The following ELAPOR2 variants were observed in gnomAD, a reference collection of about 807,000 sequenced individuals.
ELAPOR2 encodes endosome-lysosome associated apoptosis and autophagy regulator family member 2.
ELAPOR2 carries 89 observed loss-of-function variants against 120.7 expected under a neutral mutation model. The ratio of observed to expected loss-of-function variants is 0.74; its 90% confidence interval spans 0.62 to 0.88. The LOEUF (loss-of-function observed/expected upper bound fraction) is 0.88, where lower values mean the gene tolerates loss of function less well. Among genes scored for constraint, ELAPOR2 ranks in the 40% least tolerant of loss-of-function variants. ELAPOR2 has a pLI of 0.00. For missense variants in ELAPOR2, 1,134 were observed against 1,251.6 expected, an observed-to-expected ratio of 0.91 and a Z score of 1.42; for synonymous variants, 444 against 444.9, an observed-to-expected ratio of 1.00 and a Z score of 0.03.
intron 18 of ELAPOR2, among the ~76,000 whole-genome samples, chr7:86,899,066 G>A (rs28664155): frequency 6.6e-5 from 10 of 152,102 alleles, no homozygotes; most frequent in African/African-American, 2.4e-4. Context: ...GAAGATGATG[G>A]ATGTGGATGG....
At chr7:87,008,954 T>C (rs191668301) in intron 1 of ELAPOR2, among the ~76,000 whole-genome samples, 31 of 152,236 alleles carry the variant, frequency 2.0e-4, no homozygotes, top group African/African-American at 7.5e-4. Flanking sequence ...AAAAAAGCTA[T>C]TTCATAAGTG....
At position 86,909,815 on chromosome 7, in the gene ELAPOR2, T is replaced by G; in HGVS notation, c.2356A>C (p.Ile786Leu). ...ATATGAACCAAAGGAAGCTTACCTA[T>G]GAATGTATCTGCCAGAATGATGGAT... ...SQSIILADTF[I>L]GVTVETTLKN... is the part of the protein sequence containing the mutation. The change falls in exon 16 of 22, where the codon ATA becomes CTA. Residue 786 changes from isoleucine (I) to leucine (L), a missense_variant. Coordinates refer to ENST00000450689, the MANE Select transcript of ELAPOR2 (RefSeq NM_001142749.3). The G allele has an allele frequency of 6.2e-7, 1 of 1,606,834 alleles. No homozygotes were observed. The highest frequency in any genetic ancestry group is 8.5e-7 in the Non-Finnish European group (1 of 1,176,660).
At chr7:86,881,848 T>A (rs1316496085) in intron 21 of ELAPOR2, among the ~76,000 whole-genome samples, 2 of 152,168 alleles carry the variant, frequency 1.3e-5, no homozygotes, top group East Asian at 3.8e-4. Flanking sequence ...GGCCAATCAG[T>A]CTCACATGCA....
chr7:86,971,990 G>A (rs946418211), intron 1 of ELAPOR2, among the ~76,000 whole-genome samples: 1 of 152,108 alleles, frequency 6.6e-6, no homozygotes, highest in Non-Finnish European at 1.5e-5. Context: ...AAAAGAACCA[G>A]GCAACCATGG....
At chr7:86,996,806 C>T (rs926840466) in intron 1 of ELAPOR2, among the ~76,000 whole-genome samples, 3 of 152,110 alleles carry the variant, frequency 2.0e-5, no homozygotes, top group Non-Finnish European at 4.4e-5. Context: ...GGCTATCACT[C>T]CTCATCTCTC....
intron 1 of ELAPOR2, 87 bp from the exon 2 acceptor site, chr7:86,965,111 C>G (rs1317316756): frequency 2.2e-6 from 3 of 1,336,046 alleles, no homozygotes; most frequent in Non-Finnish European, 3.1e-6. Flanking sequence ...GCCCCTGTTT[C>G]CAAGCTGTAC....
At chr7:86,902,385 A>T (rs540565943) in intron 18 of ELAPOR2, among the ~76,000 whole-genome samples, 1 of 152,286 alleles carries the variant, frequency 6.6e-6, no homozygotes, top group African/African-American at 2.4e-5. Flanking sequence ...CATGTTGGTC[A>T]GGCTGGTCTC....
Position 86,912,994 on chromosome 7 carries a change from C to A in ELAPOR2, c.1942G>T (p.Val648Phe). ...PPDTYLSIHQ[V>F]YGKEACIPCG... ...GGAATACAAGCCTCTTTGCCATAGA[C>A]CTGATGTATGGACAGGTAGGTGTCA... Residue 648 changes from valine to phenylalanine, a missense_variant, in exon 14 of 22, where the codon GTC (valine) becomes TTC (phenylalanine). Val to Phe is a conservative substitution (Grantham distance 50). Coordinates refer to ENST00000450689, the MANE Select transcript of ELAPOR2 (RefSeq NM_001142749.3). The A allele has an allele frequency of 2.5e-6, 4 of 1,614,018 alleles. No homozygotes were observed. The highest frequency in any genetic ancestry group is 3.4e-6 in the Non-Finnish European group (4 of 1,179,986).
At chr7:87,013,316 T>C (rs1793757444) in intron 1 of ELAPOR2, among the ~76,000 whole-genome samples, 1 of 152,066 alleles carries the variant, frequency 6.6e-6, no homozygotes, top group African/African-American at 2.4e-5. Flanking sequence ...TGTTAACAAA[T>C]ACCCTAAAAT....
At chr7:86,907,556 A>T in intron 18 of ELAPOR2, 114 bp downstream of exon 18, 4 of 671,272 alleles carry the variant, frequency 6.0e-6, no homozygotes, top group Non-Finnish European at 7.3e-6. Flanking sequence ...AACCCTACAG[A>T]TTGTTCTGTT....
chr7:87,025,605 C>T (rs968860752), intron 1 of ELAPOR2, among the ~76,000 whole-genome samples: 7 of 152,028 alleles, frequency 4.6e-5, no homozygotes, highest in African/African-American at 1.7e-4. Context: ...TGAGCATTAC[C>T]TGCCAATCAA....
intron 8 of ELAPOR2, among the ~76,000 whole-genome samples, chr7:86,932,204 C>T (rs893164503): frequency 6.6e-6 from 1 of 151,852 alleles, no homozygotes; most frequent in Admixed American, 6.6e-5. Flanking sequence ...CTTGCAACAC[C>T]GGAAAGGGCT....
intron 1 of ELAPOR2, among the ~76,000 whole-genome samples, chr7:87,010,270 T>C (rs1793612962): frequency 6.6e-6 from 1 of 152,196 alleles, no homozygotes; most frequent in Non-Finnish European, 1.5e-5. Flanking sequence ...TCTTTGAAAC[T>C]GGGATTCAAG....
At chr7:87,028,400 C>G (rs539195515) in intron 1 of ELAPOR2, among the ~76,000 whole-genome samples, 72 of 152,190 alleles carry the variant, frequency 4.7e-4, no homozygotes, top group African/African-American at 1.7e-3. Context: ...CTCTGGGACA[C>G]CATCGTCCAT....
At chr7:86,911,822 C>A in intron 15 of ELAPOR2, 1 of 575,644 alleles carries the variant, frequency 1.7e-6, no homozygotes. Flanking sequence ...AGCACTTACA[C>A]CATAGCTCCA....
chr7:87,043,227 T>C (rs1006944646), intron 1 of ELAPOR2, among the ~76,000 whole-genome samples: 24 of 151,330 alleles, frequency 1.6e-4, no homozygotes, highest in African/African-American at 3.9e-4. Context: ...TTCCAATCAA[T>C]AGAAAAAGAG....
rs182145794 is a variant in ELAPOR2 at position 86,983,997 on chromosome 7, A to C, written c.190-18973T>G. Among the ~76,000 whole-genome samples the C allele has an allele frequency of 3.2e-4, 49 of 152,284 alleles. 1 individual carries two copies. The East Asian group carries it at 9.3e-3, about 29-fold the overall frequency. Reference sequence around the variant, plus strand: ...AAATAAAGGGATGGAGGAAGATCTAAGAGGCAAATGGAAAACCACAACAAC... The same window carrying C: ...AAATAAAGGGATGGAGGAAGATCTACGAGGCAAATGGAAAACCACAACAAC... On this transcript the variant is annotated intron_variant, in intron 1 of 21. Coordinates refer to ENST00000450689, the MANE Select transcript of ELAPOR2 (RefSeq NM_001142749.3).
rs1795361743 is a variant in ELAPOR2, at chr7:87,059,393, C to G, written c.121G>C (p.Gly41Arg). 2.4e-6 allele frequency: 3 copies of G among 1,243,418 alleles called. No individual in the cohort carries two copies. Among genetic ancestry groups the G allele is most frequent in the Non-Finnish European group, 2.0e-6 (2 of 987,928 alleles). The allele number at this position is 1,243,418 out of a possible 1,614,324, so 77.0% of individuals were successfully genotyped here. ...TCCCCAGCCCAGGCCGCCTGGCAGC[C>G]GGCGAGCGCCCAGCAGCAAATCCAG... ...PAWICCWALA[G>R]CQAAWAGDLP... Residue 41 changes from glycine (G) to arginine (R), a missense_variant, in exon 1 of 22, where the codon GGC becomes CGC. By Grantham distance (125) the Gly-to-Arg change is moderately radical. Around this residue, in one of 3 missense-constraint regions of ELAPOR2, gnomAD observed 280 missense variants for 331.5 expected, o/e 0.84. Transcript: ENST00000450689.
At chr7:87,012,255 C>T (rs1169613533) in intron 1 of ELAPOR2, among the ~76,000 whole-genome samples, 1 of 151,954 alleles carries the variant, frequency 6.6e-6, no homozygotes, top group Non-Finnish European at 1.5e-5. Flanking sequence ...ACTAAAAATA[C>T]AAAAATTAGC....
Sources: allele counts gnomAD v4.1 joint callset (sites outside exome capture counted in the v4.1 genomes callset), GRCh38; gene constraint gnomAD v4.1.1; regional missense constraint gnomAD v4.1.1; transcripts MANE v1.5; gene names NCBI Gene and HGNC (gene_info 2026-07-23, HGNC 2026-07-21).